DDX23: variants seen among roughly 807,000 people sequenced by gnomAD.
DDX23 encodes probable ATP-dependent RNA helicase DDX23.
A neutral mutation model predicts 102.7 loss-of-function variants in DDX23; 33 were observed. The observed-to-expected ratio is 0.32, with a 90% confidence interval of 0.24 to 0.43. The LOEUF (loss-of-function observed/expected upper bound fraction) is 0.43, where lower values mean the gene tolerates loss of function less well. DDX23 is among the 20% of genes least tolerant of loss of function. DDX23 has a pLI of 1.00. For missense variants in DDX23, 549 were observed against 1,086.6 expected (o/e 0.51, Z 6.96); for synonymous variants, 352 against 376.0 (o/e 0.94, Z 0.74).
Position 48,844,032 on chromosome 12 carries a change from T to C in DDX23, c.228A>G (p.Glu76=), listed in dbSNP as rs1226347644. The change falls in exon 3 of 17, where the codon GAA becomes GAG. Residue 76 remains glutamate (E), a synonymous_variant. Transcript: ENST00000308025. ...KSAERERRHK[E]RERDKERDRN... The stretch of plus-strand genomic sequence containing the variant: ...GATCCCGCTCCTTATCTCGTTCTCG[T>C]TCTTTGTGCCGTCGTTCTCTGGAAG... 2 of 1,614,142 alleles carry C rather than the reference T, an allele frequency of 1.2e-6. No homozygotes were observed. The highest frequency in any genetic ancestry group is 1.7e-5 in the Admixed American group (1 of 60,010).
At chr12:48,849,481 G>A (rs1216272617) in intron 1 of DDX23, among the ~76,000 whole-genome samples, 2 of 152,056 alleles carry the variant, frequency 1.3e-5, no homozygotes, top group African/African-American at 4.8e-5. Context: ...GGCCAACAGG[G>A]TGAAACCCCG....
chr12:48,849,484 A>C (rs1938723933), intron 1 of DDX23, among the ~76,000 whole-genome samples: 1 of 152,070 alleles, frequency 6.6e-6, no homozygotes, highest in Non-Finnish European at 1.5e-5. Flanking sequence ...CAACAGGGTG[A>C]AACCCCGTCT....
In DDX23 at chr12:48,831,263, C is replaced by T. The variant is rs774015015; in HGVS notation, c.2118G>A (p.Ala706=). 3.0e-5 allele frequency: 49 copies of T among 1,614,232 alleles called. No homozygotes were observed. Among genetic ancestry groups the T allele is most frequent in the African/African-American group, 4.0e-5 (3 of 75,058 alleles). The change falls in exon 16 of 17, where the codon GCG becomes GCA. Residue 706 remains alanine (A), a synonymous_variant. Transcript: ENST00000308025. The part of the protein sequence containing the change: ...GGKGQEQREF[A]LSNLKAGAKD... ...TGGCCCCAGCCTTGAGGTTGGACAA[C>T]GCAAACTCTCGCTGCTCCTGGCCTT... is the stretch of plus-strand genomic sequence containing the variant.
At chr12:48,838,181 C>A in intron 5 of DDX23, 101 bp from the exon 6 acceptor site, 2 of 1,546,382 alleles carry the variant, frequency 1.3e-6, no homozygotes, top group South Asian at 1.2e-5. Context: ...TTTGCTCAGG[C>A]ATTAAGCCTG....
chr12:48,845,683 G>A lies in DDX23; in HGVS notation c.100C>T (p.Arg34Trp), dbSNP rs778024664. 11 of 1,614,096 alleles carry A rather than the reference G, an allele frequency of 6.8e-6. No individual in the cohort carries two copies. The highest frequency in any genetic ancestry group is 6.7e-5 in the Admixed American group (4 of 60,006). The change falls in exon 2 of 17, where the codon CGG becomes TGG. Residue 34 changes from arginine to tryptophan, a missense_variant. Coordinates refer to ENST00000308025, the MANE Select transcript of DDX23 (RefSeq NM_004818.3). ...TTAGATGGGGAAGACTTCCGGTCCC[G>A]GTCTCTATCCCGCTCTCTGTCAGGA... Reference protein sequence around the residue: ...RTPDRERDRDRDRKSSPSKDR... With the variant: ...RTPDRERDRDWDRKSSPSKDR...
chr12:48,841,924 C>T (rs1367297166), intron 3 of DDX23, among the ~76,000 whole-genome samples: 5 of 151,102 alleles, frequency 3.3e-5, no homozygotes, highest in African/African-American at 9.7e-5. Flanking sequence ...GGCCGCCCAT[C>T]GTCTGAGATG....
chr12:48,831,925 C>T, intron 15 of DDX23, 153 bp downstream of exon 15: 2 of 678,268 alleles, frequency 2.9e-6, no homozygotes, highest in Non-Finnish European at 5.0e-6. Flanking sequence ...TCTCTTTATT[C>T]CCTCAAACCA....
intron 1 of DDX23, among the ~76,000 whole-genome samples, chr12:48,849,970 C>A (rs955549902): frequency 6.6e-6 from 1 of 152,298 alleles, no homozygotes; most frequent in Non-Finnish European, 1.5e-5. Context: ...GTTCAGTGAG[C>A]TGGGCAGGAG....
intron 11 of DDX23, chr12:48,835,304 G>A (rs1938453058): frequency 6.2e-6 from 1 of 161,298 alleles, no homozygotes; most frequent in Admixed American, 6.1e-5. Context: ...CAGGTGCAGT[G>A]GTTCACGCCT....
intron 1 of DDX23, among the ~76,000 whole-genome samples, chr12:48,850,476 G>C (rs937123060): frequency 6.6e-6 from 1 of 152,148 alleles, no homozygotes; most frequent in African/African-American, 2.4e-5. Context: ...CTGAACTTAG[G>C]GGAGAGGGTC....
In DDX23 at chr12:48,833,320, T is replaced by C; in HGVS notation, c.1760A>G (p.Lys587Arg). The C allele has an allele frequency of 6.2e-7, 1 of 1,614,210 alleles. No individual in the cohort carries two copies. Among genetic ancestry groups the C allele is most frequent in the Non-Finnish European group, 8.5e-7 (1 of 1,180,042 alleles). Reference protein sequence around the residue: ...PDTDEAEDPEKMLANFESGKH... With the variant: ...PDTDEAEDPERMLANFESGKH... The stretch of plus-strand genomic sequence containing the variant: ...TCCCGACTCAAAGTTGGCCAGCATC[T>C]TCTCAGGGTCCTCAGCCTCATCCGT... Residue 587 changes from lysine to arginine, a missense_variant, in exon 13 of 17, where the codon AAG becomes AGG. Coordinates refer to ENST00000308025, the MANE Select transcript of DDX23 (RefSeq NM_004818.3).
Position 48,830,758 on chromosome 12 carries a change from C to T in DDX23, c.2240-66G>A. 2 of 1,482,310 alleles carry T rather than the reference C, an allele frequency of 1.3e-6. No homozygotes were observed. Among genetic ancestry groups the T allele is most frequent in the African/African-American group, 1.4e-5 (1 of 71,526 alleles). The allele number at this position is 1,482,310 out of a possible 1,614,324, so 91.8% of individuals were successfully genotyped here. On this transcript the variant is annotated intron_variant, in intron 16 of 16. Transcript: ENST00000308025. The surrounding 1 kb of genome is among the most constrained non-coding windows in gnomAD (Gnocchi z 4.9). ...CCCTGGGGAGCCGTGTCTGATGCCT[C>T]CACTTCTAGAGGCATCCTTCCCACC...
chr12:48,848,426 AG>A (rs1938704370), intron 1 of DDX23, among the ~76,000 whole-genome samples: 2 of 152,208 alleles, frequency 1.3e-5, no homozygotes, highest in African/African-American at 4.8e-5. Flanking sequence ...TATGATGGGT[AG>A]GGGTATAACA....
intron 2 of DDX23, 25 bp from the exon 3 acceptor site, chr12:48,844,075 T>G: frequency 1.2e-6 from 2 of 1,611,152 alleles, no homozygotes; most frequent in Non-Finnish European, 1.7e-6. Flanking sequence ...ATTTAAGAGT[T>G]CACTTGGTAT....
intron 1 of DDX23, among the ~76,000 whole-genome samples, chr12:48,850,835 C>G (rs937187563): frequency 6.6e-6 from 1 of 152,104 alleles, no homozygotes; most frequent in African/African-American, 2.4e-5. Context: ...TTATTGGTGA[C>G]CTTGACAAGA....
intron 5 of DDX23, 30 bp downstream of exon 5, chr12:48,839,814 G>A (rs1938521074): frequency 5.6e-6 from 9 of 1,611,512 alleles, no homozygotes; most frequent in East Asian, 2.2e-5. Flanking sequence ...GGCAGCCTGA[G>A]CCGATGAATG....
chr12:48,837,128 C>G, intron 8 of DDX23, 91 bp from the exon 9 acceptor site: 1 of 1,575,898 alleles, frequency 6.3e-7, no homozygotes, highest in Non-Finnish European at 8.6e-7. Flanking sequence ...CAGTTCTTCC[C>G]AGACAGGGTC....
In DDX23 at chr12:48,837,055, GA is replaced by G. The variant is rs749506434; in HGVS notation, c.867-19del. ...CTTTGTACCTGGGATTGAGATAGAG[GA>G]AAAGAAAAAAGAAGGAGCTGTTAAC... On this transcript the variant is annotated intron_variant, in intron 8 of 16. Coordinates refer to ENST00000308025, the MANE Select transcript of DDX23 (RefSeq NM_004818.3). 58 of 1,610,768 alleles carry G rather than the reference GA, an allele frequency of 3.6e-5. No homozygotes were observed. Among genetic ancestry groups the G allele is most frequent in the Non-Finnish European group, 4.9e-5 (58 of 1,179,264 alleles).
At chr12:48,838,777 T>C (rs1391778477) in intron 5 of DDX23, among the ~76,000 whole-genome samples, 3 of 151,822 alleles carry the variant, frequency 2.0e-5, no homozygotes, top group South Asian at 2.1e-4. Flanking sequence ...TGCTTGAACC[T>C]GGGAGGCAGA....
Sources: allele counts gnomAD v4.1 joint callset (sites outside exome capture counted in the v4.1 genomes callset), GRCh38; gene constraint gnomAD v4.1.1; non-coding constraint Gnocchi (gnomAD v3.1); transcripts MANE v1.5; gene names NCBI Gene and HGNC (gene_info 2026-07-23, HGNC 2026-07-21).